KLHL32: variants seen among roughly 807,000 people sequenced by gnomAD.
KLHL32 encodes the protein kelch-like protein 32.
A neutral mutation model predicts 64.8 loss-of-function variants in KLHL32; 35 were observed. That is an observed-to-expected ratio of 0.54 (90% CI 0.41 to 0.72). The LOEUF (loss-of-function observed/expected upper bound fraction) is 0.72, where lower values mean the gene tolerates loss of function less well. KLHL32 is among the 30% of genes least tolerant of loss of function. KLHL32 has a pLI of 0.00. For missense variants in KLHL32, 589 were observed against 768.5 expected (o/e 0.77, Z 2.76); for synonymous variants, 259 against 281.0 (o/e 0.92, Z 0.78).
At chr6:96,935,700 G>T (rs1770511855) in intron 1 of KLHL32, among the ~76,000 whole-genome samples, 1 of 152,148 alleles carries the variant, frequency 6.6e-6, no homozygotes, top group Non-Finnish European at 1.5e-5. Context: ...GTGTATTAAT[G>T]ATAATGACTG....
chr6:97,097,609 GA>G (rs1378277290), intron 6 of KLHL32, among the ~76,000 whole-genome samples: 4 of 150,390 alleles, frequency 2.7e-5, no homozygotes, highest in Non-Finnish European at 5.9e-5. Flanking sequence ...TTCACTCGGT[GA>G]CCTTCACAGC....
intron 1 of KLHL32, among the ~76,000 whole-genome samples, chr6:96,940,263 TG>T (rs1296954968): frequency 6.6e-6 from 1 of 152,206 alleles, no homozygotes; most frequent in Non-Finnish European, 1.5e-5. Flanking sequence ...GATTTTTGAT[TG>T]AGATTGAAAT....
chr6:97,019,438 C>G (rs1298846476), intron 3 of KLHL32, among the ~76,000 whole-genome samples: 1 of 152,166 alleles, frequency 6.6e-6, no homozygotes, highest in Non-Finnish European at 1.5e-5. Flanking sequence ...TCAGAGTTGG[C>G]CAGTGTGATT....
intron 3 of KLHL32, among the ~76,000 whole-genome samples, chr6:97,037,002 T>G (rs1784397723): frequency 6.6e-6 from 1 of 152,248 alleles, no homozygotes; most frequent in South Asian, 2.1e-4. Context: ...TAAAAAATGT[T>G]CAATTTTTAA....
intron 1 of KLHL32, among the ~76,000 whole-genome samples, chr6:96,953,773 A>G (rs1772918772): frequency 6.8e-6 from 1 of 147,758 alleles, no homozygotes; most frequent in Admixed American, 6.9e-5. Flanking sequence ...TATGGTTATG[A>G]CAATCTAAAT....
chr6:96,969,454 T>C (rs566581686), intron 2 of KLHL32, among the ~76,000 whole-genome samples: 7 of 152,310 alleles, frequency 4.6e-5, no homozygotes, highest in African/African-American at 1.7e-4. Flanking sequence ...GCTAAACCCT[T>C]AAGTTCTCTC....
intron 6 of KLHL32, among the ~76,000 whole-genome samples, chr6:97,112,902 AT>A (rs1390451209): frequency 1.3e-5 from 2 of 150,550 alleles, no homozygotes; most frequent in Non-Finnish European, 3.0e-5. Context: ...TTAAACAATA[AT>A]TTTTATTATG....
intron 4 of KLHL32, among the ~76,000 whole-genome samples, chr6:97,041,808 A>G (rs1785164542): frequency 6.6e-6 from 1 of 152,244 alleles, no homozygotes; most frequent in Admixed American, 6.5e-5. Context: ...TGAACATAGT[A>G]TTTTAAATTT....
chr6:97,075,669 C>T (rs973187232), intron 5 of KLHL32, among the ~76,000 whole-genome samples: 3 of 152,144 alleles, frequency 2.0e-5, no homozygotes, highest in Non-Finnish European at 4.4e-5. Flanking sequence ...CACCAGCCCC[C>T]TTTATGTTGC....
intron 6 of KLHL32, among the ~76,000 whole-genome samples, chr6:97,088,355 T>TA (rs1190213477): frequency 1.7e-4 from 26 of 152,290 alleles, no homozygotes; most frequent in African/African-American, 5.8e-4. Flanking sequence ...GAAATGGAAA[T>TA]ATGGGACATT....
intron 3 of KLHL32, 108 bp downstream of exon 3, chr6:96,976,285 G>A: frequency 9.9e-7 from 1 of 1,007,542 alleles, no homozygotes; most frequent in Admixed American, 2.8e-5. Flanking sequence ...CCCCAGAGCT[G>A]AATGGTGGGG....
chr6:96,953,900 A>G lies in KLHL32; in HGVS notation c.-65-13096A>G, dbSNP rs144886498. Among the ~76,000 whole-genome samples the G allele has an allele frequency of 4.2e-4, 63 of 151,212 alleles. No individual in the cohort carries two copies. In the East Asian group the frequency reaches 9.9e-3, roughly 24 times the overall value. On this transcript the variant is annotated intron_variant, in intron 1 of 10. Coordinates refer to ENST00000369261, the MANE Select transcript of KLHL32 (RefSeq NM_052904.4). The stretch of plus-strand genomic sequence containing the variant: ...TTTTTATATTGTTATCAACAATTCA[A>G]TCCTCAAACTCTCCTCTAGCTGTAA...
At chr6:97,043,832 G>T (rs962677432) in intron 4 of KLHL32, among the ~76,000 whole-genome samples, 2 of 151,968 alleles carry the variant, frequency 1.3e-5, no homozygotes, top group Middle Eastern at 3.4e-3. Flanking sequence ...ATATCTGTTG[G>T]CCATCTGTAT....
At chr6:96,975,386 G>A (rs949516851) in intron 2 of KLHL32, among the ~76,000 whole-genome samples, 3 of 152,162 alleles carry the variant, frequency 2.0e-5, no homozygotes, top group African/African-American at 7.2e-5. Flanking sequence ...TCCTTTTGAT[G>A]TTCTTATGGT....
In KLHL32 at chr6:96,951,976, A is replaced by T. The variant is rs548337972; in HGVS notation, c.-65-15020A>T. On this transcript the variant is annotated intron_variant, in intron 1 of 10. Transcript: ENST00000369261. ...GGACCACTGTCTGTGTGAAGTTTGC[A>T]CATTCTCCCCATGTCTGCATGGGTT... Among the ~76,000 whole-genome samples the T allele has an allele frequency of 2.6e-5, 4 of 152,294 alleles. No individual in the cohort carries two copies. The South Asian group carries it at 8.3e-4, about 32-fold the overall frequency.
At chr6:96,928,352 T>C (rs1424780941) in intron 1 of KLHL32, among the ~76,000 whole-genome samples, 2 of 152,122 alleles carry the variant, frequency 1.3e-5, no homozygotes, top group Non-Finnish European at 2.9e-5. Flanking sequence ...TGATACCTAA[T>C]ATTGATGAGC....
chr6:97,083,220 T>G (rs1029488255), intron 5 of KLHL32, among the ~76,000 whole-genome samples: 3 of 152,062 alleles, frequency 2.0e-5, no homozygotes, highest in African/African-American at 7.2e-5. Flanking sequence ...TGAAACCCCA[T>G]CTCTACTAAA....
intron 7 of KLHL32, among the ~76,000 whole-genome samples, chr6:97,126,970 C>G (rs557621412): frequency 2.4e-4 from 37 of 152,174 alleles, no homozygotes; most frequent in Non-Finnish European, 4.6e-4. Flanking sequence ...CAAGAGATAT[C>G]AAGATATCAC....
At chr6:96,991,262 G>A (rs1485399685) in intron 3 of KLHL32, among the ~76,000 whole-genome samples, 1 of 152,030 alleles carries the variant, frequency 6.6e-6, no homozygotes, top group African/African-American at 2.4e-5. Context: ...CACTAGCAGT[G>A]GAAATGCTCA....
Sources: gnomAD v4.1 joint callset for allele counts (sites outside exome capture counted in the v4.1 genomes callset) on GRCh38, gnomAD v4.1.1 for gene constraint, MANE v1.5 for transcripts, NCBI Gene and HGNC (gene_info 2026-07-23, HGNC 2026-07-21) for gene names.